SRSF12: variants seen among roughly 807,000 people sequenced by gnomAD.
SRSF12 encodes the protein serine and arginine rich splicing factor 12.
Under a neutral mutation model 34.1 loss-of-function variants are expected in SRSF12, and 21 were observed. The observed-to-expected ratio is 0.62, with a 90% CI of 0.44 to 0.89. SRSF12 has a LOEUF of 0.89. Ranked by LOEUF, SRSF12 falls within the 40% of genes least tolerant of loss-of-function variation. SRSF12 has a pLI of 0.00. For missense variants in SRSF12, 278 were observed against 327.8 expected (o/e 0.85, Z 1.17); for synonymous variants, 111 against 110.8 (o/e 1.00, Z -0.01).
chr6:89,114,122 A>T (rs982932600), intron 1 of SRSF12, among the ~76,000 whole-genome samples: 6 of 152,212 alleles, frequency 3.9e-5, no homozygotes, highest in African/African-American at 1.4e-4. Flanking sequence ...CTCATCGGTA[A>T]AATGGGGTTA....
chr6:89,099,385 G>C (rs964429421), intron 4 of SRSF12, among the ~76,000 whole-genome samples: 6 of 66,960 alleles, frequency 9.0e-5, no homozygotes, highest in Admixed American at 1.5e-4. Context: ...ATAGAAAACA[G>C]CTCTCTCTCT....
rs201207511 is a variant in SRSF12 at position 89,104,555 on chromosome 6, CT to C, written c.416+563del. Among the ~76,000 whole-genome samples the C allele has an allele frequency of 4.4e-4, 67 of 150,782 alleles. 1 individual carries two copies. The highest frequency in any genetic ancestry group is 6.9e-3 in the Middle Eastern group (2 of 290). On this transcript the variant is annotated intron_variant, in intron 4 of 4. Transcript: ENST00000452027. ...GCGGCTGAGTATGTATTTTTTTTTA[CT>C]TTTTTTTTCTGCTCACTATATATTA...
At chr6:89,107,100 G>C in intron 2 of SRSF12, 54 bp downstream of exon 2, 2 of 1,422,862 alleles carry the variant, frequency 1.4e-6, no homozygotes, top group Non-Finnish European at 2.0e-6. Flanking sequence ...ATACATATAT[G>C]TATAAGCACG....
At position 89,111,546 on chromosome 6, in the gene SRSF12, TG is replaced by T. The variant is rs541564242; in HGVS notation, c.66-4289del. Among the ~76,000 whole-genome samples, 470 of 152,318 alleles carry T rather than the reference TG, an allele frequency of 3.1e-3. 10 individuals carry two copies. The highest frequency in any genetic ancestry group is 8.8e-4 in the Non-Finnish European group (60 of 68,024). ...AACTTATTAGTTCTAGCAGTTTTTT[TG>T]TTCATTCCCTAGTATTTTCTATGTA... On this transcript the variant is annotated intron_variant, in intron 1 of 4. Transcript: ENST00000452027.
Position 89,105,176 on chromosome 6 carries a change from G to C in SRSF12, c.359C>G (p.Thr120Ser). 2 of 1,612,442 alleles carry C rather than the reference G, an allele frequency of 1.2e-6. No homozygotes were observed. The highest frequency in any genetic ancestry group is 1.7e-6 in the Non-Finnish European group (2 of 1,179,154). Residue 120 changes from threonine (T) to serine (S), a missense_variant, in exon 4 of 5, where the codon ACT becomes AGT. Transcript: ENST00000452027. ...TCCCCATGAAGAACTTCTACTTCGA[G>C]TTCTTCTTTGGCTGGGGCTTCTTGA... The part of the protein sequence containing the change: ...RRSRSPSQRR[T>S]RSRSSSWGRN...
At position 89,115,047 on chromosome 6, in the gene SRSF12, C is replaced by T. The variant is rs183451687; in HGVS notation, c.65+2776G>A. On this transcript the variant is annotated intron_variant, in intron 1 of 4. Coordinates refer to ENST00000452027, the MANE Select transcript of SRSF12 (RefSeq NM_080743.5). ...TCCTAATTTCGTGATCTGCCCACCTCGGCCTCCCAAAGTGCTGGGATTATA... is the reference window on the plus strand; with the variant it reads ...TCCTAATTTCGTGATCTGCCCACCTTGGCCTCCCAAAGTGCTGGGATTATA... Among the ~76,000 whole-genome samples the T allele has an allele frequency of 1.2e-4, 18 of 152,174 alleles. No homozygotes were observed. In the East Asian group the frequency reaches 3.3e-3, roughly 28 times the overall value.
At chr6:89,117,735 G>A (rs1317795875) in intron 1 of SRSF12, 88 bp downstream of exon 1, 5 of 1,325,516 alleles carry the variant, frequency 3.8e-6, no homozygotes, top group Non-Finnish European at 4.9e-6. Flanking sequence ...GCTCCCCCGA[G>A]CCTCCGCCGG....
In SRSF12 at chr6:89,105,138, GCCT is replaced by G; in HGVS notation, c.394_396del (p.Arg133del). Reference sequence around the variant, plus strand: ...ACTCACTCTTTAAGGCTGTCTGACCGCCTCCTATTTCTTCCCCATGAAGAACTT... The same window carrying G: ...ACTCACTCTTTAAGGCTGTCTGACCGCCTATTTCTTCCCCATGAAGAACTT... On this transcript the variant is annotated inframe_deletion, in exon 4 of 5. Coordinates refer to ENST00000452027, the MANE Select transcript of SRSF12 (RefSeq NM_080743.5). The G allele has an allele frequency of 6.2e-7, 1 of 1,612,004 alleles. No individual in the cohort carries two copies. Among genetic ancestry groups the G allele is most frequent in the Non-Finnish European group, 8.5e-7 (1 of 1,178,788 alleles).
Position 89,098,428 on chromosome 6 carries a change from A to C in SRSF12, c.*150T>G. The C allele has an allele frequency of 9.8e-7, 1 of 1,016,006 alleles. No individual in the cohort carries two copies. 62.9% of individuals were successfully genotyped at this position (1,016,006 alleles called of 1,614,324 possible). A position where few individuals can be genotyped will look rare whatever the true frequency, so the allele number is the denominator to read the frequency against. ...TTTAAATGGAGACCAAATTTTTATT[A>C]ATCCAAAGCTAGAGATTTTATTTCT... is the stretch of plus-strand genomic sequence containing the variant. On this transcript the variant is annotated 3_prime_UTR_variant, in exon 5 of 5. Coordinates refer to ENST00000452027, the MANE Select transcript of SRSF12 (RefSeq NM_080743.5).
In SRSF12 at chr6:89,110,980, G is replaced by A. The variant is rs187417610; in HGVS notation, c.66-3722C>T. Among the ~76,000 whole-genome samples the A allele has an allele frequency of 1.5e-3, 224 of 152,118 alleles. 1 individual carries two copies. In the Middle Eastern group the frequency reaches 0.017, roughly 12 times the overall value. On this transcript the variant is annotated intron_variant, in intron 1 of 4. Coordinates refer to ENST00000452027, the MANE Select transcript of SRSF12 (RefSeq NM_080743.5). ...AAAAATAAAAAAAAATTAGCTGGGC[G>A]TGGTGTCTATAATCCCAGCTACTTA...
intron 2 of SRSF12, among the ~76,000 whole-genome samples, chr6:89,106,341 G>A (rs1768785655): frequency 6.6e-6 from 1 of 152,088 alleles, no homozygotes; most frequent in Non-Finnish European, 1.5e-5. Context: ...TCAAACTCCT[G>A]ACCTGAGGTG....
chr6:89,110,262 G>A (rs1005521407), intron 1 of SRSF12, among the ~76,000 whole-genome samples: 1 of 152,200 alleles, frequency 6.6e-6, no homozygotes, highest in African/African-American at 2.4e-5. Flanking sequence ...ATGAAAAAAT[G>A]AAGCAATGAA....
chr6:89,100,412 A>G (rs958247160), intron 4 of SRSF12, among the ~76,000 whole-genome samples: 1 of 152,232 alleles, frequency 6.6e-6, no homozygotes. Context: ...CCAAGCCTTA[A>G]GATCAAAGTG....
At chr6:89,114,509 G>A (rs1769199102) in intron 1 of SRSF12, among the ~76,000 whole-genome samples, 1 of 152,030 alleles carries the variant, frequency 6.6e-6, no homozygotes, top group African/African-American at 2.4e-5. Context: ...TTTTTAGTAT[G>A]GCACCTAGTA....
chr6:89,115,659 G>A (rs1266080428), intron 1 of SRSF12, among the ~76,000 whole-genome samples: 1 of 132,658 alleles, frequency 7.5e-6, no homozygotes, highest in African/African-American at 2.9e-5. Flanking sequence ...TTTTTGAGAC[G>A]GAGTCCTCGC....
At position 89,113,060 on chromosome 6, in the gene SRSF12, A is replaced by T. The variant is rs188997548; in HGVS notation, c.65+4763T>A. 9.2e-5 allele frequency among the ~76,000 whole-genome samples: 14 copies of T among 152,368 alleles called. No individual in the cohort carries two copies. In the East Asian group the frequency reaches 2.1e-3, roughly 23 times the overall value. ...AGTAGGTTTGGGTTTGTACAACAAC[A>T]AAATCACCAAATGGATTTGTCAGAA... is the stretch of plus-strand genomic sequence containing the variant. On this transcript the variant is annotated intron_variant, in intron 1 of 4. Coordinates refer to ENST00000452027, the MANE Select transcript of SRSF12 (RefSeq NM_080743.5).
In SRSF12 at chr6:89,096,024, CTA is replaced by C. The variant is rs1768277910; in HGVS notation, c.*2552_*2553del. Reference sequence around the variant, plus strand: ...CTCTTAAATGGGCCAAGAAACAATTCTATGACAAAAGTGAACCCTGGAATATA... The same window carrying C: ...CTCTTAAATGGGCCAAGAAACAATTCTGACAAAAGTGAACCCTGGAATATA... On this transcript the variant is annotated 3_prime_UTR_variant, in exon 5 of 5. Coordinates refer to ENST00000452027, the MANE Select transcript of SRSF12 (RefSeq NM_080743.5). 1 of 152,188 alleles carries C rather than the reference CTA, an allele frequency of 6.6e-6. No homozygotes were observed. Among genetic ancestry groups the C allele is most frequent in the African/African-American group, 2.4e-5 (1 of 41,450 alleles). 9.4% of individuals were successfully genotyped at this position (152,188 alleles called of 1,614,324 possible). A position where few individuals can be genotyped will look rare whatever the true frequency, so the allele number is the denominator to read the frequency against.
chr6:89,105,673 G>GA (rs930035309), intron 2 of SRSF12, 143 bp from the exon 3 acceptor site: 38 of 534,926 alleles, frequency 7.1e-5, no homozygotes, highest in Middle Eastern at 3.8e-4. Context: ...TGAATAATCA[G>GA]AAAAAAAACT....
chr6:89,103,077 T>C (rs1221636309), intron 4 of SRSF12, among the ~76,000 whole-genome samples: 1 of 152,030 alleles, frequency 6.6e-6, no homozygotes, highest in African/African-American at 2.4e-5. Context: ...AGACAGTTTT[T>C]AAAATGAGAA....
Sources: allele counts gnomAD v4.1 joint callset (sites outside exome capture counted in the v4.1 genomes callset), GRCh38; gene constraint gnomAD v4.1.1; transcripts MANE v1.5; gene names NCBI Gene and HGNC (gene_info 2026-07-23, HGNC 2026-07-21).